The following CACNA2D3 variants were observed in gnomAD, a reference collection of about 807,000 sequenced individuals.
The protein encoded by CACNA2D3 is calcium voltage-gated channel auxiliary subunit alpha2delta 3.
CACNA2D3 carries 60 observed loss-of-function variants against 160.6 expected under a neutral mutation model. That is an observed-to-expected ratio of 0.37 (90% CI 0.30 to 0.46). The LOEUF is 0.46. Among genes scored for constraint, CACNA2D3 ranks in the 20% least tolerant of loss-of-function variants. The pLI, the probability that CACNA2D3 is intolerant of heterozygous loss-of-function variation, is 1.00. For synonymous variants in CACNA2D3, 558 were observed against 492.9 expected, an observed-to-expected ratio of 1.13 and a Z score of -1.75; for missense variants, 1,205 against 1,365.0, an observed-to-expected ratio of 0.88 and a Z score of 1.85.
At chr3:54,822,766 C>CTTTCTTTCTTTCTTTCTTTCTTTCTTTCT (rs1703643369) in intron 14 of CACNA2D3, among the ~76,000 whole-genome samples, 2 of 87,632 alleles carry the variant, frequency 2.3e-5, no homozygotes, top group African/African-American at 9.5e-5. Flanking sequence ...TTCTTTCTTT[C>CTTTCTTTCTTTCTTTCTTTCTTTCTTTCT]TTTCTTTCTT....
chr3:54,685,993 T>C (rs1700442606), intron 11 of CACNA2D3, among the ~76,000 whole-genome samples: 1 of 152,242 alleles, frequency 6.6e-6, no homozygotes, highest in South Asian at 2.1e-4. Flanking sequence ...AGTAGGTGTT[T>C]GCTGCATTAC....
In CACNA2D3 at chr3:54,163,973, C is replaced by T. The variant is rs370847494; in HGVS notation, c.204+40379C>T. Among the ~76,000 whole-genome samples, 9 of 152,148 alleles carry T rather than the reference C, an allele frequency of 5.9e-5. No individual in the cohort carries two copies. In the South Asian group the frequency reaches 8.3e-4, roughly 14 times the overall value. Reference sequence around the variant, plus strand: ...CTGGAGAGGGAGAGGGAATAGCCCACGGGCTAAGCAGCCCACTGCAGGTAC... The same window carrying T: ...CTGGAGAGGGAGAGGGAATAGCCCATGGGCTAAGCAGCCCACTGCAGGTAC... On this transcript the variant is annotated intron_variant, in intron 2 of 37. Coordinates refer to ENST00000474759, the MANE Select transcript of CACNA2D3 (RefSeq NM_018398.3).
chr3:54,872,743 C>G (rs1266497216), intron 18 of CACNA2D3, among the ~76,000 whole-genome samples: 4 of 152,192 alleles, frequency 2.6e-5, no homozygotes, highest in African/African-American at 9.6e-5. Flanking sequence ...TCTTCATCTG[C>G]TCTAAGTCTA....
At chr3:54,729,639 G>A (rs772990122) in intron 11 of CACNA2D3, among the ~76,000 whole-genome samples, 36 of 152,152 alleles carry the variant, frequency 2.4e-4, no homozygotes, top group African/African-American at 7.5e-4. Flanking sequence ...GTCTCTGTTC[G>A]GTGGGTCTTC....
In CACNA2D3 at chr3:54,122,671, G is replaced by A. The variant is rs1247612498; in HGVS notation, c.-43G>A. 2.9e-6 allele frequency: 3 copies of A among 1,041,968 alleles called. No homozygotes were observed. Among genetic ancestry groups the A allele is most frequent in the Non-Finnish European group, 3.5e-6 (3 of 868,802 alleles). 64.5% of individuals were successfully genotyped at this position (1,041,968 alleles called of 1,614,324 possible). On this transcript the variant is annotated 5_prime_UTR_variant, in exon 1 of 38. Coordinates refer to ENST00000474759, the MANE Select transcript of CACNA2D3 (RefSeq NM_018398.3). Reference sequence around the variant, plus strand: ...CCGCTCCGCGCAGCTCCCCGCGGCCGCTCTCGTCGCCGCCGCAGCGGGCGC... The same window carrying A: ...CCGCTCCGCGCAGCTCCCCGCGGCCACTCTCGTCGCCGCCGCAGCGGGCGC...
chr3:54,138,830 G>C (rs562333863), intron 2 of CACNA2D3, among the ~76,000 whole-genome samples: 2 of 152,248 alleles, frequency 1.3e-5, no homozygotes, highest in Non-Finnish European at 1.5e-5. Context: ...ATATTTGCAT[G>C]TGTTTGTTTT....
chr3:54,986,983 A>G (rs1455760113), intron 30 of CACNA2D3, among the ~76,000 whole-genome samples: 1 of 152,200 alleles, frequency 6.6e-6, no homozygotes, highest in Non-Finnish European at 1.5e-5. Flanking sequence ...GCCAGCACCA[A>G]GAAGTAGACT....
At chr3:54,456,467 T>A (rs771243336) in intron 4 of CACNA2D3, among the ~76,000 whole-genome samples, 14 of 151,904 alleles carry the variant, frequency 9.2e-5, no homozygotes, top group Non-Finnish European at 1.8e-4. Flanking sequence ...TTTGGTGGAG[T>A]CTTTAGGTTG....
intron 11 of CACNA2D3, among the ~76,000 whole-genome samples, chr3:54,747,765 C>T (rs958943409): frequency 6.6e-6 from 1 of 152,114 alleles, no homozygotes; most frequent in African/African-American, 2.4e-5. Context: ...TGCTCTTTCC[C>T]ATTAGCTATA....
intron 5 of CACNA2D3, among the ~76,000 whole-genome samples, chr3:54,538,791 CT>C (rs1013665118): frequency 6.6e-6 from 1 of 152,178 alleles, no homozygotes; most frequent in African/African-American, 2.4e-5. Context: ...TGAGTGACCC[CT>C]GGCCCATTTC....
rs187976917 is a variant in CACNA2D3, at chr3:54,921,021, G to A, written c.2449+21153G>A. On this transcript the variant is annotated intron_variant, in intron 27 of 37. Transcript: ENST00000474759. ...TCTCCTGTGCAGGTGATCCTCAGCC[G>A]GGATGCAACTCCCACTCTCCACCAT... Among the ~76,000 whole-genome samples the A allele has an allele frequency of 5.1e-4, 77 of 152,220 alleles. 1 individual carries two copies. Among genetic ancestry groups the A allele is most frequent in the African/African-American group, 1.8e-3 (75 of 41,518 alleles).
At chr3:55,065,373 A>C (rs1305278905) in intron 35 of CACNA2D3, among the ~76,000 whole-genome samples, 3 of 152,034 alleles carry the variant, frequency 2.0e-5, no homozygotes, top group Admixed American at 6.5e-5. Context: ...TGGAAATCCT[A>C]CCCCAACCCC....
chr3:54,670,535 T>C (rs1700140704), intron 11 of CACNA2D3, among the ~76,000 whole-genome samples: 1 of 152,136 alleles, frequency 6.6e-6, no homozygotes, highest in Non-Finnish European at 1.5e-5. Flanking sequence ...GGGAAGTTGT[T>C]TTCTCAAGCA....
At chr3:54,924,616 G>A in intron 27 of CACNA2D3, 4 of 1,609,526 alleles carry the variant, frequency 2.5e-6, no homozygotes, top group Non-Finnish European at 3.4e-6. Context: ...AGACATGACT[G>A]ACCTTTATAG....
intron 2 of CACNA2D3, among the ~76,000 whole-genome samples, chr3:54,191,785 A>C (rs1179366462): frequency 3.1e-4 from 47 of 152,178 alleles, no homozygotes; most frequent in Admixed American, 3.1e-3. Context: ...AATGATAGAT[A>C]AGGAGCCCTA....
intron 2 of CACNA2D3, among the ~76,000 whole-genome samples, chr3:54,212,498 A>G (rs531558181): frequency 1.3e-5 from 2 of 152,322 alleles, no homozygotes; most frequent in East Asian, 1.9e-4. Flanking sequence ...AAGTTTTACC[A>G]TGTAGATGAA....
intron 4 of CACNA2D3, among the ~76,000 whole-genome samples, chr3:54,392,966 C>T (rs1223233756): frequency 9.9e-5 from 15 of 152,142 alleles, no homozygotes; most frequent in South Asian, 2.1e-4. Context: ...GCTTGTCCCC[C>T]GCCACCCTGC....
intron 13 of CACNA2D3, among the ~76,000 whole-genome samples, chr3:54,798,592 A>C (rs1702919235): frequency 6.6e-6 from 1 of 152,178 alleles, no homozygotes; most frequent in South Asian, 2.1e-4. Context: ...CCACTACAGC[A>C]TGTGTTTCTA....
At chr3:54,381,553 G>A (rs947490314) in intron 3 of CACNA2D3, among the ~76,000 whole-genome samples, 11 of 152,084 alleles carry the variant, frequency 7.2e-5, no homozygotes, top group Non-Finnish European at 8.8e-5. Flanking sequence ...CGTGGTGTCC[G>A]GTTTTCCGCT....
Sources: gnomAD v4.1 joint callset for allele counts (sites outside exome capture counted in the v4.1 genomes callset) on GRCh38, gnomAD v4.1.1 for gene constraint, MANE v1.5 for transcripts, NCBI Gene and HGNC (gene_info 2026-07-23, HGNC 2026-07-21) for gene names.